Variants in KIAA1217 observed in about 807,000 individuals in gnomAD.
KIAA1217 encodes the protein KIAA1217, also known as sickle tail protein homolog.
KIAA1217 carries 88 observed loss-of-function variants against 163.9 expected under a neutral mutation model. The ratio of observed to expected loss-of-function variants is 0.54; its 90% CI spans 0.45 to 0.64. The LOEUF is 0.64. KIAA1217 is among the 30% of genes least tolerant of loss of function. The pLI, the probability that KIAA1217 is intolerant of heterozygous loss-of-function variation, is 0.00. For missense variants in KIAA1217, 2,372 were observed against 2,475.0 expected (o/e 0.96, Z 0.88); for synonymous variants, 903 against 923.1 (o/e 0.98, Z 0.39).
chr10:24,416,950 T>C (rs1279308166), intron 3 of KIAA1217, among the ~76,000 whole-genome samples: 1 of 152,152 alleles, frequency 6.6e-6, no homozygotes, highest in African/African-American at 2.4e-5. Flanking sequence ...ATTCCACAGT[T>C]TGACCCTTAT....
At chr10:23,702,709 A>ACACACAC (rs61027637) in intron 1 of KIAA1217, among the ~76,000 whole-genome samples, 1 of 151,134 alleles carries the variant, frequency 6.6e-6, no homozygotes, top group African/African-American at 2.4e-5. Context: ...ACACACACAC[A>ACACACAC]AATATATTGT....
chr10:24,258,341 G>A (rs1002233641), intron 2 of KIAA1217, among the ~76,000 whole-genome samples: 2 of 152,038 alleles, frequency 1.3e-5, no homozygotes, highest in Admixed American at 6.5e-5. Context: ...CACACACACA[G>A]ACATGAGCGG....
At chr10:23,705,420 G>A (rs369834716) in intron 1 of KIAA1217, among the ~76,000 whole-genome samples, 26 of 152,132 alleles carry the variant, frequency 1.7e-4, no homozygotes, top group African/African-American at 6.3e-4. Flanking sequence ...TTTAAGTAAA[G>A]ATTTTTGTAT....
At chr10:24,366,096 AT>A (rs2050741635) in intron 2 of KIAA1217, among the ~76,000 whole-genome samples, 1 of 152,160 alleles carries the variant, frequency 6.6e-6, no homozygotes. Flanking sequence ...AGAAATTTTC[AT>A]TTTTTAAGTC....
intron 1 of KIAA1217, among the ~76,000 whole-genome samples, chr10:23,909,919 A>G (rs1013617560): frequency 3.3e-5 from 5 of 152,200 alleles, no homozygotes; most frequent in Admixed American, 1.3e-4. Context: ...CCAACAGCGT[A>G]AAAGCATTCC....
rs992360301 is a variant in KIAA1217 at position 24,060,193 on chromosome 10, G to A, written c.-171+52819G>A. ...GCTATTCTCTATTCTATTTATTTCT[G>A]TTCTAATCTTTATTTCCTTCTTTCT... On this transcript the variant is annotated intron_variant, in intron 2 of 18. Transcript: ENST00000376462. Among the ~76,000 whole-genome samples, 5 of 151,012 alleles carry A rather than the reference G, an allele frequency of 3.3e-5. No homozygotes were observed. In the Middle Eastern group the frequency reaches 0.01, roughly 308 times the overall value.
At chr10:24,263,232 T>C (rs1363005211) in intron 2 of KIAA1217, among the ~76,000 whole-genome samples, 2 of 152,222 alleles carry the variant, frequency 1.3e-5, no homozygotes, top group Admixed American at 1.3e-4. Context: ...AACTTTCCAG[T>C]TGTACTTCCT....
intron 1 of KIAA1217, among the ~76,000 whole-genome samples, chr10:23,898,319 ACAC>A (rs1841797318): frequency 6.6e-6 from 1 of 151,718 alleles, no homozygotes; most frequent in Non-Finnish European, 1.5e-5. Context: ...ACACACACAC[ACAC>A]ACACATATAT....
intron 1 of KIAA1217, among the ~76,000 whole-genome samples, chr10:23,814,384 C>T (rs1837222045): frequency 6.6e-6 from 1 of 152,142 alleles, no homozygotes; most frequent in Non-Finnish European, 1.5e-5. Context: ...TTCCTATTTC[C>T]TGGCTGAGTG....
chr10:23,778,089 G>A (rs1835086119), intron 1 of KIAA1217, among the ~76,000 whole-genome samples: 1 of 152,018 alleles, frequency 6.6e-6, no homozygotes, highest in Non-Finnish European at 1.5e-5. Context: ...TTATGGGTGT[G>A]CACCACCATG....
At chr10:23,898,011 T>G (rs1841780420) in intron 1 of KIAA1217, among the ~76,000 whole-genome samples, 1 of 152,000 alleles carries the variant, frequency 6.6e-6, no homozygotes, top group African/African-American at 2.4e-5. Context: ...AGGCTAATAG[T>G]GAGTGTTAGG....
intron 2 of KIAA1217, among the ~76,000 whole-genome samples, chr10:24,077,452 T>G (rs2061403544): frequency 6.6e-6 from 1 of 152,210 alleles, no homozygotes; most frequent in African/African-American, 2.4e-5. Context: ...TGTTCCTGTG[T>G]TAGTTTGCTG....
At chr10:24,111,214 G>T (rs911477959) in intron 2 of KIAA1217, among the ~76,000 whole-genome samples, 7 of 152,134 alleles carry the variant, frequency 4.6e-5, no homozygotes, top group Non-Finnish European at 8.8e-5. Context: ...TCCAAAGGTT[G>T]GCTATGGATA....
intron 1 of KIAA1217, among the ~76,000 whole-genome samples, chr10:23,934,432 A>T (rs1457339733): frequency 6.6e-6 from 1 of 150,666 alleles, no homozygotes; most frequent in African/African-American, 2.4e-5. Context: ...TAGGTTCAGT[A>T]AACCACCATG....
chr10:24,004,617 C>G (rs1846906696), intron 1 of KIAA1217, among the ~76,000 whole-genome samples: 1 of 152,232 alleles, frequency 6.6e-6, no homozygotes, highest in South Asian at 2.1e-4. Flanking sequence ...TACTTCTCAA[C>G]AAGATCCAGT....
intron 2 of KIAA1217, among the ~76,000 whole-genome samples, chr10:24,233,119 T>C (rs2071689471): frequency 6.6e-6 from 1 of 151,912 alleles, no homozygotes; most frequent in African/African-American, 2.4e-5. Context: ...AGCAAGACCC[T>C]GTCTCAATAA....
intron 3 of KIAA1217, among the ~76,000 whole-genome samples, chr10:24,392,891 C>T (rs2055174398): frequency 6.6e-6 from 1 of 152,156 alleles, no homozygotes; most frequent in Non-Finnish European, 1.5e-5. Flanking sequence ...AAAATCTGTT[C>T]ACCATGCCTT....
chr10:24,200,770 AC>A (rs1433070756), intron 2 of KIAA1217, among the ~76,000 whole-genome samples: 2 of 152,112 alleles, frequency 1.3e-5, no homozygotes, highest in Non-Finnish European at 2.9e-5. Flanking sequence ...TACTGATTGC[AC>A]CAGTCAAGCT....
intron 2 of KIAA1217, among the ~76,000 whole-genome samples, chr10:24,023,277 T>A (rs1405842130): frequency 6.6e-6 from 1 of 151,752 alleles, no homozygotes; most frequent in East Asian, 1.9e-4. Flanking sequence ...ATTCTCACAC[T>A]TTGACGAGGG....
Sources: allele counts gnomAD v4.1 joint callset (sites outside exome capture counted in the v4.1 genomes callset), GRCh38; gene constraint gnomAD v4.1.1; transcripts MANE v1.5; gene names NCBI Gene and HGNC (gene_info 2026-07-23, HGNC 2026-07-21).